The following ABLIM2 variants were observed in gnomAD, a reference collection of about 807,000 sequenced individuals.
ABLIM2 encodes the protein actin binding LIM protein family member 2.
In ABLIM2, 53 loss-of-function variants were observed where a neutral mutation model predicts 97.7. The observed-to-expected ratio is 0.54, with a 90% CI of 0.44 to 0.68. ABLIM2 has a LOEUF of 0.68. Among genes scored for constraint, ABLIM2 ranks in the 30% least tolerant of loss-of-function variants. ABLIM2 has a pLI of 0.00. For missense variants in ABLIM2, 835 were observed against 867.2 expected (o/e 0.96, Z 0.47); for synonymous variants, 361 against 345.8 (o/e 1.04, Z -0.49).
intron 3 of ABLIM2, among the ~76,000 whole-genome samples, chr4:8,094,432 C>T (rs531965764): frequency 1.3e-5 from 2 of 152,278 alleles, no homozygotes; most frequent in African/African-American, 2.4e-5. Context: ...CAATTCCTGT[C>T]CCTTTTAAGG....
At position 8,132,689 on chromosome 4, in the gene ABLIM2, C is replaced by G. The variant is rs1302808435; in HGVS notation, c.10+25991G>C. ...CCCCGCTGTCTTCCCTCGGGTGACT[C>G]AGTCCTGGGCCTGCAACAGGCCCCA... On this transcript the variant is annotated intron_variant, in intron 1 of 20. Coordinates refer to ENST00000447017, the MANE Select transcript of ABLIM2 (RefSeq NM_001130083.2). The surrounding 1 kb of genome is among the most constrained non-coding windows in gnomAD (Gnocchi z 8.0). 6.6e-6 allele frequency among the ~76,000 whole-genome samples: 1 copy of G among 152,228 alleles called. No homozygotes were observed. The highest frequency in any genetic ancestry group is 2.1e-4 in the South Asian group (1 of 4,834).
Position 8,032,755 on chromosome 4 carries a change from G to T in ABLIM2, c.1048-2979C>A. 1 of 1,530,822 alleles carries T rather than the reference G, an allele frequency of 6.5e-7. No individual in the cohort carries two copies. Among genetic ancestry groups the T allele is most frequent in the Non-Finnish European group, 9.0e-7 (1 of 1,107,298 alleles). The allele number at this position is 1,530,822 out of a possible 1,614,324, so 94.8% of individuals were successfully genotyped here. On this transcript the variant is annotated intron_variant, in intron 10 of 20. Coordinates refer to ENST00000447017, the MANE Select transcript of ABLIM2 (RefSeq NM_001130083.2). This position sits in a 1 kb window ranked among gnomAD's most constrained non-coding sequence, Gnocchi z 4.3. Reference sequence around the variant, plus strand: ...AGGGAGGAGGGCAGTTCCGTGACTGGCAGGCAACACAGGCGCAAACACCCA... The same window carrying T: ...AGGGAGGAGGGCAGTTCCGTGACTGTCAGGCAACACAGGCGCAAACACCCA...
At chr4:8,093,696 G>C (rs1395314084) in intron 3 of ABLIM2, among the ~76,000 whole-genome samples, 1 of 152,164 alleles carries the variant, frequency 6.6e-6, no homozygotes, top group Non-Finnish European at 1.5e-5. Context: ...TTGTCTCCTA[G>C]CATACATAGT....
At position 8,005,393 on chromosome 4, in the gene ABLIM2, T is replaced by C. The variant is rs771593242; in HGVS notation, c.1618+2666A>G. 7 of 533,564 alleles carry C rather than the reference T, an allele frequency of 1.3e-5. No individual in the cohort carries two copies. In the African/African-American group the frequency reaches 1.3e-4, roughly 10 times the overall value. The allele number at this position is 533,564 out of a possible 1,614,324, so 33.1% of individuals were successfully genotyped here. A position where few individuals can be genotyped will look rare whatever the true frequency, so the allele number is the denominator to read the frequency against. The stretch of plus-strand genomic sequence containing the variant: ...GTGCCCACTGTGTTGGGTGTCACAA[T>C]CCTACCTTCCTTGGGCGCGCTACAG... On this transcript the variant is annotated intron_variant, in intron 16 of 20. Coordinates refer to ENST00000447017, the MANE Select transcript of ABLIM2 (RefSeq NM_001130083.2). This position sits in a 1 kb window ranked among gnomAD's most constrained non-coding sequence, Gnocchi z 4.9.
At position 8,046,710 on chromosome 4, in the gene ABLIM2, T is replaced by C. The variant is rs1792679082; in HGVS notation, c.823-1469A>G. Among the ~76,000 whole-genome samples, 1 of 152,216 alleles carries C rather than the reference T, an allele frequency of 6.6e-6. No homozygotes were observed. The highest frequency in any genetic ancestry group is 1.5e-5 in the Non-Finnish European group (1 of 68,034). On this transcript the variant is annotated intron_variant, in intron 8 of 20. Transcript: ENST00000447017. This position sits in a 1 kb window ranked among gnomAD's most constrained non-coding sequence, Gnocchi z 4.4. Reference sequence around the variant, plus strand: ...ATGGGCTGATCTGTGTCCACATTCGTAGGTTGAATCCTAACCCCCAGGACC... The same window carrying C: ...ATGGGCTGATCTGTGTCCACATTCGCAGGTTGAATCCTAACCCCCAGGACC...
chr4:7,974,487 G>A (rs1213222256), intron 20 of ABLIM2, among the ~76,000 whole-genome samples: 1 of 110,428 alleles, frequency 9.1e-6, no homozygotes, highest in African/African-American at 3.6e-5. Flanking sequence ...ATCCACTCAT[G>A]TATCTATCCA....
At chr4:8,117,656 A>G (rs1289179331) in intron 1 of ABLIM2, among the ~76,000 whole-genome samples, 1 of 151,976 alleles carries the variant, frequency 6.6e-6, no homozygotes, top group African/African-American at 2.4e-5. Flanking sequence ...TCTGGCCCCA[A>G]AGACTGCTTC....
intron 2 of ABLIM2, among the ~76,000 whole-genome samples, chr4:8,102,349 G>T (rs1386654984): frequency 6.6e-6 from 1 of 152,170 alleles, no homozygotes; most frequent in African/African-American, 2.4e-5. Flanking sequence ...CACCCAGTTT[G>T]CATCTTTCCT....
intron 6 of ABLIM2, among the ~76,000 whole-genome samples, chr4:8,076,191 C>T (rs1400295457): frequency 6.6e-6 from 1 of 152,226 alleles, no homozygotes. Context: ...GTGTGGCCAC[C>T]CGTCTCCCCG....
rs971856294 is a variant in ABLIM2 at position 8,046,996 on chromosome 4, C to G, written c.823-1755G>C. 6.6e-6 allele frequency among the ~76,000 whole-genome samples: 1 copy of G among 152,202 alleles called. No individual in the cohort carries two copies. Among genetic ancestry groups the G allele is most frequent in the African/African-American group, 2.4e-5 (1 of 41,440 alleles). On this transcript the variant is annotated intron_variant, in intron 8 of 20. Transcript: ENST00000447017. This position sits in a 1 kb window ranked among gnomAD's most constrained non-coding sequence, Gnocchi z 4.4. Reference sequence around the variant, plus strand: ...TGTGCAGGCCACCCAGGCCGGGTGCCTTTATCGGGGAAGCCCCAGCTGCCT... The same window carrying G: ...TGTGCAGGCCACCCAGGCCGGGTGCGTTTATCGGGGAAGCCCCAGCTGCCT...
intron 1 of ABLIM2, among the ~76,000 whole-genome samples, chr4:8,118,421 A>C (rs1458580378): frequency 1.3e-5 from 2 of 152,130 alleles, no homozygotes; most frequent in African/African-American, 2.4e-5. Context: ...CCTCCAGCCC[A>C]GTTTCTAATC....
At position 8,011,448 on chromosome 4, in the gene ABLIM2, T is replaced by C. The variant is rs887707802; in HGVS notation, c.1424-2346A>G. ...GACAGGAAACTGGCACTTCGGATTA[T>C]TGGTGGCTTGCTTCCATAACAGCTC... On this transcript the variant is annotated intron_variant, in intron 14 of 20. Transcript: ENST00000447017. 8.5e-5 allele frequency among the ~76,000 whole-genome samples: 13 copies of C among 152,336 alleles called. No homozygotes were observed. In the East Asian group the frequency reaches 2.5e-3, roughly 29 times the overall value.
chr4:7,980,357 G>C (rs957591548), intron 20 of ABLIM2, among the ~76,000 whole-genome samples: 19 of 152,234 alleles, frequency 1.2e-4, no homozygotes, highest in Admixed American at 1.0e-3. Flanking sequence ...ACATGACAGA[G>C]AGCAGGCCCT....
At position 8,021,748 on chromosome 4, in the gene ABLIM2, G is replaced by T. The variant is rs1311926824; in HGVS notation, c.1268-1445C>A. On this transcript the variant is annotated intron_variant, in intron 12 of 20. Transcript: ENST00000447017. This position sits in a 1 kb window ranked among gnomAD's most constrained non-coding sequence, Gnocchi z 5.5. ...CTAGGAGCAGGGTGGCCCCAGCCAG[G>T]CTGATGCCGTAGAAAGGACTGCAGG... 6.6e-6 allele frequency among the ~76,000 whole-genome samples: 1 copy of T among 152,252 alleles called. No homozygotes were observed. The highest frequency in any genetic ancestry group is 1.5e-5 in the Non-Finnish European group (1 of 68,042).
Position 8,083,677 on chromosome 4 carries a change from C to T in ABLIM2, c.455-2875G>A, listed in dbSNP as rs547835431. 6.6e-6 allele frequency among the ~76,000 whole-genome samples: 1 copy of T among 152,352 alleles called. No individual in the cohort carries two copies. The highest frequency in any genetic ancestry group is 2.1e-4 in the South Asian group (1 of 4,832). ...GGAGCTCCACATTGCTTTGCGGGCT[C>T]TGCGCATGGCAGCTCAGAGTCCTGT... On this transcript the variant is annotated intron_variant, in intron 4 of 20. Transcript: ENST00000447017. The surrounding 1 kb of genome is among the most constrained non-coding windows in gnomAD (Gnocchi z 4.6).
chr4:8,012,444 C>A (rs1765645267), intron 14 of ABLIM2, among the ~76,000 whole-genome samples: 1 of 150,488 alleles, frequency 6.6e-6, no homozygotes, highest in African/African-American at 2.5e-5. Context: ...CCCATCAACC[C>A]ACCCATTCGT....
intron 9 of ABLIM2, among the ~76,000 whole-genome samples, chr4:8,041,756 T>C (rs1031734328): frequency 1.3e-4 from 19 of 151,824 alleles, no homozygotes; most frequent in African/African-American, 4.6e-4. Context: ...CAAAAAAAAT[T>C]AGCCATGCAT....
rs927786329 is a variant in ABLIM2 at position 8,022,472 on chromosome 4, G to C, written c.1268-2169C>G. 6.6e-6 allele frequency among the ~76,000 whole-genome samples: 1 copy of C among 152,230 alleles called. No individual in the cohort carries two copies. Among genetic ancestry groups the C allele is most frequent in the Admixed American group, 6.5e-5 (1 of 15,286 alleles). On this transcript the variant is annotated intron_variant, in intron 12 of 20. Coordinates refer to ENST00000447017, the MANE Select transcript of ABLIM2 (RefSeq NM_001130083.2). This position sits in a 1 kb window ranked among gnomAD's most constrained non-coding sequence, Gnocchi z 7.8. ...TGGAGGGGCCTGAGGCCGCAGGGAA[G>C]CTGGGGACACAGCCATGTTGGCCCA...
intron 20 of ABLIM2, among the ~76,000 whole-genome samples, chr4:7,975,099 T>C (rs1731901796): frequency 6.6e-6 from 1 of 152,154 alleles, no homozygotes; most frequent in Admixed American, 6.5e-5. Context: ...ATGCCTGTAG[T>C]CCCAGCTACT....
Sources: allele counts gnomAD v4.1 joint callset (sites outside exome capture counted in the v4.1 genomes callset), GRCh38; gene constraint gnomAD v4.1.1; non-coding constraint Gnocchi (gnomAD v3.1); transcripts MANE v1.5; gene names NCBI Gene and HGNC (gene_info 2026-07-23, HGNC 2026-07-21).